LMO3: variants seen among roughly 807,000 people sequenced by gnomAD.
LMO3 encodes LIM domain only 3, also known as LIM domain only protein 3.
In LMO3, 2 loss-of-function variants were observed where a neutral mutation model predicts 15.8. That is an observed-to-expected ratio of 0.13 (90% CI 0.05 to 0.40). The LOEUF is 0.40. LMO3 is among the 10% of genes least tolerant of loss of function. The probability of loss-of-function intolerance (pLI) is 0.99; values close to 1 mark genes in which losing one functional copy is unlikely to be tolerated. For synonymous variants in LMO3, 62 were observed against 63.8 expected, an observed-to-expected ratio of 0.97 and a Z score of 0.13; for missense variants, 86 against 182.2, an observed-to-expected ratio of 0.47 and a Z score of 3.04.
intron 2 of LMO3, among the ~76,000 whole-genome samples, chr12:16,568,096 G>A (rs1409647381): frequency 6.6e-6 from 1 of 152,170 alleles, no homozygotes; most frequent in Non-Finnish European, 1.5e-5. Flanking sequence ...GAATACTAAA[G>A]GTGAGGAAAG....
Position 16,559,222 on chromosome 12 carries a change from GA to G in LMO3, c.332+1190del, listed in dbSNP as rs1400660326. ...AAATCTATCAAGTGTTCTAATTTTT[GA>G]AATGTTGTATTTTTAATACGTACAT... is the stretch of plus-strand genomic sequence containing the variant. On this transcript the variant is annotated intron_variant, in intron 3 of 3. Transcript: ENST00000537304. The surrounding 1 kb of genome is among the most constrained non-coding windows in gnomAD (Gnocchi z 4.1). Among the ~76,000 whole-genome samples the G allele has an allele frequency of 2.0e-5, 3 of 152,066 alleles. 1 individual carries two copies. The highest frequency in any genetic ancestry group is 1.5e-5 in the Non-Finnish European group (1 of 67,996).
rs55665813 is a variant in LMO3, at chr12:16,583,046, C to CAA, written c.206+17607_206+17608dup. On this transcript the variant is annotated intron_variant, in intron 2 of 3. Coordinates refer to ENST00000537304, the MANE Select transcript of LMO3 (RefSeq NM_018640.5). ...TGGGTGACAGTGCGAGACTCCGCCT[C>CAA]AAAAAAAAAAAAAAAAAAAATCTAA... Among the ~76,000 whole-genome samples, 1,110 of 126,422 alleles carry CAA rather than the reference C, an allele frequency of 8.8e-3. 22 individuals carry two copies. The highest frequency in any genetic ancestry group is 0.02 in the East Asian group (87 of 4,300). 82.9% of individuals were successfully genotyped at this position (126,422 alleles called of 152,430 possible).
intron 2 of LMO3, among the ~76,000 whole-genome samples, chr12:16,588,566 T>C (rs989231): frequency 0.54 from 81,476 of 151,930 alleles, 24,817 homozygotes; most frequent in Non-Finnish European, 0.68. Flanking sequence ...ACAAAGGAAA[T>C]AGAATTTTCA....
chr12:16,569,814 G>C (rs1942749987), intron 2 of LMO3, among the ~76,000 whole-genome samples: 1 of 151,900 alleles, frequency 6.6e-6, no homozygotes, highest in African/African-American at 2.4e-5. Context: ...AAAGGGAGAA[G>C]GGAAAAAGAA....
At position 16,560,844 on chromosome 12, in the gene LMO3, A is replaced by G. The variant is rs1271551970; in HGVS notation, c.207-306T>C. 7 of 368,500 alleles carry G rather than the reference A, an allele frequency of 1.9e-5. No individual in the cohort carries two copies. Among genetic ancestry groups the G allele is most frequent in the Admixed American group, 1.4e-4 (4 of 29,082 alleles). 22.8% of individuals were successfully genotyped at this position (368,500 alleles called of 1,614,324 possible). ...AATTCATAGCAAAAATCTCTGGGTT[A>G]GAGTATATAGAAAATATAAAAGCAA... On this transcript the variant is annotated intron_variant, in intron 2 of 3. Transcript: ENST00000537304. This position sits in a 1 kb window ranked among gnomAD's most constrained non-coding sequence, Gnocchi z 5.0.
Position 16,596,754 on chromosome 12 carries a change from A to C in LMO3, c.206+3901T>G, listed in dbSNP as rs774900023. Among the ~76,000 whole-genome samples the C allele has an allele frequency of 6.6e-6, 1 of 151,700 alleles. No homozygotes were observed. Among genetic ancestry groups the C allele is most frequent in the Non-Finnish European group, 1.5e-5 (1 of 67,706 alleles). ...ATTTTTTCAAACTGAAATAAGGCGG[A>C]TAGATCGCAGTGATGAGTACCTTAA... is the stretch of plus-strand genomic sequence containing the variant. On this transcript the variant is annotated intron_variant, in intron 2 of 3. Transcript: ENST00000537304. The surrounding 1 kb of genome is among the most constrained non-coding windows in gnomAD (Gnocchi z 4.3).
At chr12:16,572,085 A>G (rs867232596) in intron 2 of LMO3, among the ~76,000 whole-genome samples, 5 of 152,094 alleles carry the variant, frequency 3.3e-5, no homozygotes, top group African/African-American at 1.2e-4. Context: ...AAGAGATTCA[A>G]AAAGACAAAA....
Position 16,551,418 on chromosome 12 carries a change from A to G in LMO3, c.333-91T>C, listed in dbSNP as rs71539438. The stretch of plus-strand genomic sequence containing the variant: ...TTTATTTTCCTATTAATAGTTTCGC[A>G]TGGTAATTCCCTGAATCTGAAAACC... On this transcript the variant is annotated intron_variant, in intron 3 of 3. Transcript: ENST00000537304. The G allele has an allele frequency of 4.0e-3, 3,082 of 761,844 alleles. 17 individuals are homozygous for G. The highest frequency in any genetic ancestry group is 0.013 in the Middle Eastern group (53 of 3,952). The allele number at this position is 761,844 out of a possible 1,614,324, so 47.2% of individuals were successfully genotyped here. A position where few individuals can be genotyped will look rare whatever the true frequency, so the allele number is the denominator to read the frequency against.
chr12:16,588,256 A>G (rs1427104496), intron 2 of LMO3, among the ~76,000 whole-genome samples: 2 of 152,026 alleles, frequency 1.3e-5, no homozygotes, highest in Non-Finnish European at 2.9e-5. Context: ...ATATACAAAT[A>G]TACAAATTGA....
chr12:16,553,200 C>T lies in LMO3; in HGVS notation c.333-1873G>A, dbSNP rs551673305. On this transcript the variant is annotated intron_variant, in intron 3 of 3. Coordinates refer to ENST00000537304, the MANE Select transcript of LMO3 (RefSeq NM_018640.5). ...TCATGGCTTTTTACAGAAGAAAAAC[C>T]TAAGACTCCGTGCCAGAATTTCAAA... is the stretch of plus-strand genomic sequence containing the variant. Among the ~76,000 whole-genome samples, 121 of 152,146 alleles carry T rather than the reference C, an allele frequency of 8.0e-4. 1 individual carries two copies. Among genetic ancestry groups the T allele is most frequent in the Middle Eastern group, 3.4e-3 (1 of 294 alleles).
At chr12:16,607,161 TC>T (rs1944027166), upstream of LMO3, 1 of 151,552 alleles carries the variant, frequency 6.6e-6, no homozygotes, top group Non-Finnish European at 1.5e-5. Flanking sequence ...ACACACACTC[TC>T]CTTCCTCCCT....
chr12:16,583,786 C>T (rs946220930), intron 2 of LMO3, among the ~76,000 whole-genome samples: 2 of 152,234 alleles, frequency 1.3e-5, no homozygotes, highest in Middle Eastern at 3.4e-3. Flanking sequence ...CTAGCACAGG[C>T]ATGGGAGGAG....
intron 3 of LMO3, among the ~76,000 whole-genome samples, chr12:16,557,776 A>G (rs993704266): frequency 2.0e-5 from 3 of 152,028 alleles, no homozygotes; most frequent in Admixed American, 2.0e-4. Context: ...TAGTGTTTCT[A>G]TTTTGTAGGT....
chr12:16,571,973 G>A (rs953848886), intron 2 of LMO3, among the ~76,000 whole-genome samples: 2 of 151,604 alleles, frequency 1.3e-5, no homozygotes, highest in Admixed American at 6.6e-5. Context: ...CCTCAAAGTG[G>A]GATTTAAGAG....
In LMO3 at chr12:16,580,502, T is replaced by C. The variant is rs73322835; in HGVS notation, c.207-19964A>G. On this transcript the variant is annotated intron_variant, in intron 2 of 3. Transcript: ENST00000537304. Reference sequence around the variant, plus strand: ...TCAGATGTAAAGTGAAATCTTGGATTGGATCTTGATTTGGAAAACCTTTGG... The same window carrying C: ...TCAGATGTAAAGTGAAATCTTGGATCGGATCTTGATTTGGAAAACCTTTGG... Among the ~76,000 whole-genome samples, 470 of 152,316 alleles carry C rather than the reference T, an allele frequency of 3.1e-3. 3 individuals carry two copies. The highest frequency in any genetic ancestry group is 0.01 in the African/African-American group (429 of 41,576).
chr12:16,606,761 A>T (rs1435038908), upstream of LMO3: 1 of 152,142 alleles, frequency 6.6e-6, no homozygotes, highest in Non-Finnish European at 1.5e-5. Flanking sequence ...AACGCTGGGG[A>T]CAAACCCGCA....
upstream of LMO3, chr12:16,606,541 C>G (rs1056571319): frequency 6.6e-5 from 10 of 152,070 alleles, no homozygotes; most frequent in African/African-American, 1.9e-4. Context: ...GCCCCCACCC[C>G]TCCCCTCTTC....
intron 2 of LMO3, among the ~76,000 whole-genome samples, chr12:16,574,112 T>C (rs1942917541): frequency 6.6e-6 from 1 of 152,028 alleles, no homozygotes; most frequent in Non-Finnish European, 1.5e-5. Flanking sequence ...CTCCACCTAC[T>C]CTGCCGATTT....
At chr12:16,557,242 T>C (rs1942223813) in intron 3 of LMO3, among the ~76,000 whole-genome samples, 1 of 151,882 alleles carries the variant, frequency 6.6e-6, no homozygotes, top group Non-Finnish European at 1.5e-5. Flanking sequence ...TAGAAGAAAA[T>C]GGACAAAGGA....
Sources: allele counts gnomAD v4.1 joint callset (sites outside exome capture counted in the v4.1 genomes callset), GRCh38; gene constraint gnomAD v4.1.1; non-coding constraint Gnocchi (gnomAD v3.1); transcripts MANE v1.5; gene names NCBI Gene and HGNC (gene_info 2026-07-23, HGNC 2026-07-21).